LATS2: variants seen among roughly 807,000 people sequenced by gnomAD.
LATS2 encodes the protein serine/threonine-protein kinase LATS2.
In LATS2, 24 loss-of-function variants were observed where a neutral mutation model predicts 76.0. That is an observed-to-expected ratio of 0.32 (90% confidence interval 0.23 to 0.44). The LOEUF (loss-of-function observed/expected upper bound fraction) is 0.44. Among genes scored for constraint, LATS2 ranks in the 20% least tolerant of loss-of-function variants. The probability of loss-of-function intolerance (pLI) is 1.00; values close to 1 mark genes in which losing one functional copy is unlikely to be tolerated. For synonymous variants in LATS2, 692 were observed against 635.4 expected, an observed-to-expected ratio of 1.09 and a Z score of -1.34; for missense variants, 1,286 against 1,481.2, an observed-to-expected ratio of 0.87 and a Z score of 2.16.
chr13:20,979,909 A>G (rs1290723057), intron 6 of LATS2, 112 bp from the exon 7 acceptor site: 1 of 628,292 alleles, frequency 1.6e-6, no homozygotes, highest in Admixed American at 2.5e-5. Context: ...AGCGCGTTGA[A>G]GCATCGCACT....
rs1491027841 is a variant in LATS2, at chr13:20,973,534, GTA to G, written c.*1334_*1335del. The G allele has an allele frequency of 2.4e-5, 5 of 211,462 alleles. No individual in the cohort carries two copies. Among genetic ancestry groups the G allele is most frequent in the Non-Finnish European group, 4.7e-5 (5 of 106,024 alleles). 13.1% of individuals were successfully genotyped at this position (211,462 alleles called of 1,614,324 possible). A position where few individuals can be genotyped will look rare whatever the true frequency, so the allele number is the denominator to read the frequency against. ...TATCTCTGTGTGTGTGTGTGTGTGT[GTA>G]TACACGCACATACATCTATACTTCT... On this transcript the variant is annotated 3_prime_UTR_variant, in exon 8 of 8. Coordinates refer to ENST00000382592, the MANE Select transcript of LATS2 (RefSeq NM_014572.3).
chr13:20,982,756 C>T (rs962982567), intron 5 of LATS2, among the ~76,000 whole-genome samples: 8 of 151,214 alleles, frequency 5.3e-5, no homozygotes, highest in African/African-American at 1.7e-4. Flanking sequence ...CTTTGGGAGG[C>T]GGAGGCAGGC....
At chr13:21,036,880 G>A (rs909077291) in intron 2 of LATS2, among the ~76,000 whole-genome samples, 2 of 152,166 alleles carry the variant, frequency 1.3e-5, no homozygotes, top group African/African-American at 4.8e-5. Context: ...TCGTTAGCAG[G>A]GTTGGAAGTA....
intron 5 of LATS2, among the ~76,000 whole-genome samples, chr13:20,982,900 G>A (rs938723754): frequency 1.3e-5 from 2 of 148,626 alleles, no homozygotes; most frequent in South Asian, 2.1e-4. Flanking sequence ...CTGGAGGCAG[G>A]AGAATCACTT....
intron 7 of LATS2, among the ~76,000 whole-genome samples, chr13:20,978,866 G>A (rs7995186): frequency 2.0e-5 from 3 of 151,944 alleles, no homozygotes; most frequent in Non-Finnish European, 4.4e-5. Flanking sequence ...GGTTCAAGTG[G>A]TTCTCCTGCC....
At chr13:20,998,739 T>TGCGGG (rs1044790606) in intron 2 of LATS2, among the ~76,000 whole-genome samples, 9 of 138,282 alleles carry the variant, frequency 6.5e-5, no homozygotes, top group Admixed American at 4.0e-4. Flanking sequence ...GCCTTGTCAA[T>TGCGGG]GCGGGGCGAG....
Position 20,975,440 on chromosome 13 carries a change from G to A in LATS2, c.2773-76C>T, listed in dbSNP as rs1191542151. ...GTTCTGGGACAGCGTGTGATGACGT[G>A]ACTTTCAAATATGTTTAGTTTCACA... On this transcript the variant is annotated intron_variant, in intron 7 of 7. Transcript: ENST00000382592. The A allele has an allele frequency of 2.1e-6, 3 of 1,424,276 alleles. No individual in the cohort carries two copies. The African/African-American group carries it at 4.3e-5, about 20-fold the overall frequency. 88.2% of individuals were successfully genotyped at this position (1,424,276 alleles called of 1,614,324 possible). A position where few individuals can be genotyped will look rare whatever the true frequency, so the allele number is the denominator to read the frequency against.
In LATS2 at chr13:20,974,863, C is replaced by T; in HGVS notation, c.*7G>A. On this transcript the variant is annotated 3_prime_UTR_variant, in exon 8 of 8. Transcript: ENST00000382592. ...GGCAGCGAGTGGTGGGGGTGCCTGG[C>T]CCCCATCTACACGTACACAGGCTGG... 2 of 1,594,740 alleles carry T rather than the reference C, an allele frequency of 1.3e-6. No individual in the cohort carries two copies. Among genetic ancestry groups the T allele is most frequent in the Non-Finnish European group, 1.7e-6 (2 of 1,169,358 alleles).
chr13:21,060,708 G>C (rs1287956355), intron 1 of LATS2, among the ~76,000 whole-genome samples: 2 of 151,508 alleles, frequency 1.3e-5, no homozygotes, highest in Admixed American at 1.3e-4. Flanking sequence ...CCTCGACTGC[G>C]GCACCGCCGT....
chr13:20,998,038 CTCTG>C (rs1447208256), intron 2 of LATS2, among the ~76,000 whole-genome samples: 1 of 152,166 alleles, frequency 6.6e-6, no homozygotes, highest in African/African-American at 2.4e-5. Context: ...CTGCGTGGGC[CTCTG>C]TCTGTGTCTG....
chr13:21,048,371 A>C (rs552943347), intron 1 of LATS2, among the ~76,000 whole-genome samples: 2 of 152,298 alleles, frequency 1.3e-5, no homozygotes, highest in East Asian at 1.9e-4. Flanking sequence ...CCTTTCTTTG[A>C]AAACTAAAAT....
chr13:21,046,774 T>G (rs1209017319), intron 1 of LATS2, among the ~76,000 whole-genome samples: 2 of 152,186 alleles, frequency 1.3e-5, no homozygotes, highest in Non-Finnish European at 2.9e-5. Flanking sequence ...GCCTGTCACA[T>G]TAAAACTGTC....
intron 1 of LATS2, among the ~76,000 whole-genome samples, chr13:21,050,133 T>TAGATAGATAGATAGATAGAC (rs1565966355): frequency 9.0e-6 from 1 of 111,366 alleles, no homozygotes; most frequent in African/African-American, 3.7e-5. Context: ...GACAGATAGA[T>TAGATAGATAGATAGATAGAC]AGATAGATAG....
At chr13:20,987,212 AAAAAATAAAAAT>A (rs142208157) in intron 4 of LATS2, among the ~76,000 whole-genome samples, 37,510 of 102,272 alleles carry the variant, frequency 0.37, 5,035 homozygotes, top group Middle Eastern at 0.46. Flanking sequence ...ATTAAAAAAT[AAAAAATAAAAAT>A]AAAAAAAACA....
chr13:20,999,100 G>A (rs929343229), intron 2 of LATS2, among the ~76,000 whole-genome samples: 4 of 152,270 alleles, frequency 2.6e-5, no homozygotes, highest in Admixed American at 1.3e-4. Context: ...GGCGCAGCAC[G>A]TGCCGTGTGC....
intron 7 of LATS2, among the ~76,000 whole-genome samples, chr13:20,978,380 T>C (rs1420830312): frequency 1.3e-5 from 2 of 152,144 alleles, no homozygotes; most frequent in African/African-American, 4.8e-5. Context: ...CAATTCTCAG[T>C]TCAACCCTTA....
intron 2 of LATS2, among the ~76,000 whole-genome samples, chr13:21,032,964 C>T (rs533685886): frequency 6.6e-6 from 1 of 151,998 alleles, no homozygotes; most frequent in South Asian, 2.1e-4. Flanking sequence ...AAGGCTGGGC[C>T]GGTACAAGAA....
intron 2 of LATS2, among the ~76,000 whole-genome samples, chr13:21,033,316 G>A (rs935626161): frequency 4.0e-5 from 6 of 151,870 alleles, no homozygotes; most frequent in Non-Finnish European, 8.8e-5. Flanking sequence ...TGGTGTAGAG[G>A]AAAGAATTTG....
intron 1 of LATS2, among the ~76,000 whole-genome samples, chr13:21,060,531 C>G (rs1331004437): frequency 6.6e-6 from 1 of 152,140 alleles, no homozygotes; most frequent in Non-Finnish European, 1.5e-5. Context: ...AGACGCCGAG[C>G]AGGGCCTGGC....
Sources: gnomAD v4.1 joint callset for allele counts (sites outside exome capture counted in the v4.1 genomes callset) on GRCh38, gnomAD v4.1.1 for gene constraint, MANE v1.5 for transcripts, NCBI Gene and HGNC (gene_info 2026-07-23, HGNC 2026-07-21) for gene names.